The following NUFIP2 variants were observed in gnomAD, a reference collection of about 807,000 sequenced individuals.
NUFIP2 encodes the protein nuclear FMR1 interacting protein 2, also known as FMR1-interacting protein NUFIP2.
NUFIP2 carries 6 observed loss-of-function variants against 56.9 expected under a neutral mutation model. That is an observed-to-expected ratio of 0.11 (90% CI 0.06 to 0.21). The LOEUF is 0.21. NUFIP2 is among the 10% of genes least tolerant of loss of function. The probability of loss-of-function intolerance (pLI) is 1.00; values close to 1 mark genes in which losing one functional copy is unlikely to be tolerated. For synonymous variants in NUFIP2, 321 were observed against 298.2 expected (o/e 1.08, Z -0.79); for missense variants, 828 against 826.8 (o/e 1.00, Z -0.02).
intron 2 of NUFIP2, among the ~76,000 whole-genome samples, chr17:29,270,090 C>T (rs1197930446): frequency 6.6e-6 from 1 of 152,044 alleles, no homozygotes; most frequent in Non-Finnish European, 1.5e-5. Context: ...GATCCATATA[C>T]TGGGATCAAT....
intron 2 of NUFIP2, among the ~76,000 whole-genome samples, chr17:29,282,946 T>C (rs2069149414): frequency 6.6e-6 from 1 of 152,216 alleles, no homozygotes; most frequent in Admixed American, 6.5e-5. Flanking sequence ...GGACTGCTAA[T>C]GGACCAATCA....
rs2069182246 is a variant in NUFIP2 at position 29,287,169 on chromosome 17, A to C, written c.825T>G (p.Gly275=). ...TTTCATACTTCCAAATGGGCTTCGA[A>C]CCATCTACTCGATTTCCCTTTTGTT... ...YSEQKGNRVD[G]SKPIWKYETG... is the part of the protein sequence containing the mutation. Residue 275 remains glycine (G), a synonymous_variant, in exon 2 of 4, where the codon GGT becomes GGG. Coordinates refer to ENST00000225388, the MANE Select transcript of NUFIP2 (RefSeq NM_020772.3). 6.2e-7 allele frequency: 1 copy of C among 1,614,152 alleles called. No homozygotes were observed. The highest frequency in any genetic ancestry group is 8.5e-7 in the Non-Finnish European group (1 of 1,180,028).
intron 1 of NUFIP2, among the ~76,000 whole-genome samples, chr17:29,291,793 T>G (rs2069215230): frequency 6.6e-6 from 1 of 152,232 alleles, no homozygotes; most frequent in African/African-American, 2.4e-5. Context: ...GTTTTTAAAC[T>G]GTTCCAAATC....
chr17:29,271,683 G>C (rs950027832), intron 2 of NUFIP2, among the ~76,000 whole-genome samples: 2 of 152,052 alleles, frequency 1.3e-5, no homozygotes, highest in African/African-American at 4.8e-5. Flanking sequence ...AAATTTAAAA[G>C]TTTCCCTGAA....
At chr17:29,265,962 A>G (rs1329733891) in intron 3 of NUFIP2, among the ~76,000 whole-genome samples, 1 of 152,054 alleles carries the variant, frequency 6.6e-6, no homozygotes, top group East Asian at 1.9e-4. Flanking sequence ...TCTACTTTGC[A>G]GGGTATATTT....
At chr17:29,292,766 AGGCCGCTCCCCTCGT>A (rs1261788835) in intron 1 of NUFIP2, among the ~76,000 whole-genome samples, 1 of 147,496 alleles carries the variant, frequency 6.8e-6, no homozygotes, top group African/African-American at 2.5e-5. Flanking sequence ...GGCCCTGCGC[AGGCCGCTCCCCTCGT>A]GGCCGCTTCC....
rs748179678 is a variant in NUFIP2, at chr17:29,286,995, C to T, written c.999G>A (p.Ser333=). 1.4e-5 allele frequency: 22 copies of T among 1,614,150 alleles called. No individual in the cohort carries two copies. Among genetic ancestry groups the T allele is most frequent in the Non-Finnish European group, 1.4e-5 (17 of 1,180,026 alleles). Reference sequence around the variant, plus strand: ...CTGGGGGTGGTTTAAATAGGGTCCACGAGTCCTCTTTGGAGGCAACAGCTG... The same window carrying T: ...CTGGGGGTGGTTTAAATAGGGTCCATGAGTCCTCTTTGGAGGCAACAGCTG... ...HASAVASKED[S]WTLFKPPPVF... is the part of the protein sequence containing the mutation. The change falls in exon 2 of 4, where the codon TCG becomes TCA. Residue 333 remains serine, a synonymous_variant. Coordinates refer to ENST00000225388, the MANE Select transcript of NUFIP2 (RefSeq NM_020772.3).
chr17:29,269,772 G>C (rs997351266), intron 2 of NUFIP2, among the ~76,000 whole-genome samples: 1 of 151,986 alleles, frequency 6.6e-6, no homozygotes. Flanking sequence ...CCAGGCTGGA[G>C]TACAGTGGCG....
intron 1 of NUFIP2, among the ~76,000 whole-genome samples, chr17:29,288,987 T>C (rs1299707145): frequency 1.3e-5 from 2 of 151,630 alleles, no homozygotes; most frequent in Non-Finnish European, 2.9e-5. Context: ...CTACTACAAA[T>C]ACAAAAATTA....
In NUFIP2 at chr17:29,287,593, C is replaced by T. The variant is rs774156395; in HGVS notation, c.401G>A (p.Ser134Asn). 6 of 1,614,088 alleles carry T rather than the reference C, an allele frequency of 3.7e-6. No individual in the cohort carries two copies. In the East Asian group the frequency reaches 1.1e-4, roughly 30 times the overall value. ...LNGNQQVVDTSLKQTVKANTF... is the reference protein window; with the variant it reads ...LNGNQQVVDTNLKQTVKANTF... ...GTTGGCCTTTACAGTCTGCTTCAGG[C>T]TAGTGTCTACAACTTGCTGGTTGCC... is the stretch of plus-strand genomic sequence containing the variant. Residue 134 changes from serine to asparagine, a missense_variant, in exon 2 of 4, where the codon AGC becomes AAC. Physicochemically the swap from Ser to Asn is conservative, Grantham distance 46 (BLOSUM62 1). Transcript: ENST00000225388.
At chr17:29,284,324 C>G (rs1287708120) in intron 2 of NUFIP2, among the ~76,000 whole-genome samples, 1 of 152,148 alleles carries the variant, frequency 6.6e-6, no homozygotes, top group East Asian at 1.9e-4. Context: ...ATCGTTAAAC[C>G]TCATTATTTG....
rs975944076 is a variant in NUFIP2, at chr17:29,262,581, C to T, written c.*1958G>A. The T allele has an allele frequency of 1.1e-4, 17 of 152,228 alleles. No individual in the cohort carries two copies. Among genetic ancestry groups the T allele is most frequent in the African/African-American group, 4.1e-4 (17 of 41,336 alleles). 9.4% of individuals were successfully genotyped at this position (152,228 alleles called of 1,614,324 possible). ...AACAAAAATCAAAATAGGAACAAGG[C>T]AGACTAAATGCAGGGCACATCTGTA... On this transcript the variant is annotated 3_prime_UTR_variant, in exon 4 of 4. Coordinates refer to ENST00000225388, the MANE Select transcript of NUFIP2 (RefSeq NM_020772.3).
At position 29,287,330 on chromosome 17, in the gene NUFIP2, T is replaced by C. The variant is rs1567681864; in HGVS notation, c.664A>G (p.Lys222Glu). 1 of 1,614,174 alleles carries C rather than the reference T, an allele frequency of 6.2e-7. No individual in the cohort carries two copies. Among genetic ancestry groups the C allele is most frequent in the Non-Finnish European group, 8.5e-7 (1 of 1,180,038 alleles). ...SGSESGYTTP[K>E]KRKARRNSAK... Reference sequence around the variant, plus strand: ...CTATTGCGCCTAGCTTTCCTTTTTTTAGGAGTTGTATATCCGCTCTCAGAT... The same window carrying C: ...CTATTGCGCCTAGCTTTCCTTTTTTCAGGAGTTGTATATCCGCTCTCAGAT... The change falls in exon 2 of 4, where the codon AAA becomes GAA. Residue 222 changes from lysine to glutamate, a missense_variant. Transcript: ENST00000225388.
intron 1 of NUFIP2, 149 bp from the exon 2 acceptor site, chr17:29,287,865 C>G (rs977415656): frequency 1.2e-6 from 1 of 815,484 alleles, no homozygotes; most frequent in African/African-American, 1.7e-5. Context: ...GAGAAGACAC[C>G]TGTCAGCCCC....
chr17:29,266,244 G>C (rs1873731348), intron 3 of NUFIP2, among the ~76,000 whole-genome samples: 1 of 152,126 alleles, frequency 6.6e-6, no homozygotes, highest in Non-Finnish European at 1.5e-5. Context: ...TGGGATTCCA[G>C]GCGTGAGCCA....
chr17:29,286,577 T>C lies in NUFIP2; in HGVS notation c.1417A>G (p.Ile473Val), dbSNP rs750087543. The C allele has an allele frequency of 2.5e-6, 4 of 1,614,162 alleles. No homozygotes were observed. Among genetic ancestry groups the C allele is most frequent in the Non-Finnish European group, 8.5e-7 (1 of 1,180,034 alleles). Residue 473 changes from isoleucine (I) to valine (V), a missense_variant, in exon 2 of 4, where the codon ATC becomes GTC. Transcript: ENST00000225388. ...AVEQIKTSLF[I>V]YPSNMQTMLL... ...ATAGTTTGCATATTTGAAGGATAGA[T>C]AAAAAGGCTAGTCTTAATTTGTTCA...
Position 29,293,807 on chromosome 17 carries a change from G to C in NUFIP2, c.253C>G (p.Gln85Glu). 1 of 1,583,284 alleles carries C rather than the reference G, an allele frequency of 6.3e-7. No individual in the cohort carries two copies. Among genetic ancestry groups the C allele is most frequent in the Non-Finnish European group, 8.6e-7 (1 of 1,160,166 alleles). The change falls in exon 1 of 4, where the codon CAG (glutamine) becomes GAG (glutamate). Residue 85 changes from glutamine to glutamate, a missense_variant. Gln to Glu is a conservative substitution (Grantham distance 29, BLOSUM62 2). Coordinates refer to ENST00000225388, the MANE Select transcript of NUFIP2 (RefSeq NM_020772.3). ...HEQKHTLQQH[Q>E]ETPKKKTGYG... ...CCTGTTTTCTTCTTCGGCGTTTCCT[G>C]GTGCTGCTGGAGGGTGTGTTTCTGC...
intron 1 of NUFIP2, among the ~76,000 whole-genome samples, chr17:29,289,075 G>C (rs1302604867): frequency 6.6e-6 from 1 of 152,226 alleles, no homozygotes; most frequent in Non-Finnish European, 1.5e-5. Flanking sequence ...AGGAGGTCGA[G>C]GCTGCAGTGA....
chr17:29,282,268 C>T (rs908493091), intron 2 of NUFIP2, among the ~76,000 whole-genome samples: 1 of 151,814 alleles, frequency 6.6e-6, no homozygotes, highest in Admixed American at 6.6e-5. Context: ...AAATAAACAC[C>T]TTTCTTTGTT....
Sources: allele counts gnomAD v4.1 joint callset (sites outside exome capture counted in the v4.1 genomes callset), GRCh38; gene constraint gnomAD v4.1.1; transcripts MANE v1.5; gene names NCBI Gene and HGNC (gene_info 2026-07-23, HGNC 2026-07-21).